GSG1L: variants seen among roughly 807,000 people sequenced by gnomAD.
GSG1L encodes germ cell-specific gene 1-like protein.
GSG1L carries 24 observed loss-of-function variants against 42.1 expected under a neutral mutation model. The observed-to-expected ratio is 0.57, with a 90% CI of 0.41 to 0.80. The LOEUF is 0.80. Ranked by LOEUF, GSG1L falls within the 30% of genes least tolerant of loss-of-function variation. The probability of loss-of-function intolerance (pLI) is 0.00; values close to 1 mark genes in which losing one functional copy is unlikely to be tolerated. For missense variants in GSG1L, 445 were observed against 472.2 expected, an observed-to-expected ratio of 0.94 and a Z score of 0.53; for synonymous variants, 215 against 203.5, an observed-to-expected ratio of 1.06 and a Z score of -0.48.
At position 27,883,654 on chromosome 16, in the gene GSG1L, T is replaced by C. The variant is rs113220215; in HGVS notation, c.550+832A>G. 5.4e-3 allele frequency among the ~76,000 whole-genome samples: 821 copies of C among 152,348 alleles called. 7 individuals are homozygous for C. Among genetic ancestry groups the C allele is most frequent in the Non-Finnish European group, 7.0e-3 (473 of 68,032 alleles). On this transcript the variant is annotated intron_variant, in intron 3 of 6. Coordinates refer to ENST00000447459, the MANE Select transcript of GSG1L (RefSeq NM_001109763.2). ...GGATTAAATTTATAGAAATTCAATT[T>C]ACACTCAGCTTTTTAGGAACAAATG...
chr16:27,961,416 T>A (rs1423708170), intron 2 of GSG1L, among the ~76,000 whole-genome samples: 1 of 152,156 alleles, frequency 6.6e-6, no homozygotes, highest in Non-Finnish European at 1.5e-5. Context: ...GGGCTGCACA[T>A]CCCAGAAGGC....
intron 2 of GSG1L, among the ~76,000 whole-genome samples, chr16:27,888,487 C>CTT (rs2084071976): frequency 7.6e-5 from 1 of 13,128 alleles, no homozygotes; most frequent in Non-Finnish European, 1.4e-4. Context: ...TCTTTCCTTT[C>CTT]TTTCTTTCTT....
At chr16:28,035,442 A>G (rs1014242556) in intron 1 of GSG1L, among the ~76,000 whole-genome samples, 4 of 152,172 alleles carry the variant, frequency 2.6e-5, no homozygotes, top group African/African-American at 4.8e-5. Context: ...TGACTTAGTG[A>G]CAATTACTAT....
intron 2 of GSG1L, among the ~76,000 whole-genome samples, chr16:27,890,553 GGTGGACTCA>G (rs2084113895): frequency 2.0e-5 from 3 of 152,214 alleles, no homozygotes; most frequent in Non-Finnish European, 4.4e-5. Flanking sequence ...ACCCCTGAGG[GGTGGACTCA>G]GTGGGCTGTG....
chr16:27,875,682 C>G (rs2083879095), intron 3 of GSG1L, among the ~76,000 whole-genome samples: 1 of 152,126 alleles, frequency 6.6e-6, no homozygotes, highest in South Asian at 2.1e-4. Flanking sequence ...ACAGACCCAA[C>G]CAAACCTGGC....
chr16:27,891,714 C>G (rs760544610), intron 2 of GSG1L, among the ~76,000 whole-genome samples: 1 of 151,926 alleles, frequency 6.6e-6, no homozygotes, highest in Non-Finnish European at 1.5e-5. Flanking sequence ...CTCAAGCGAT[C>G]CTCCTGCCTC....
intron 3 of GSG1L, among the ~76,000 whole-genome samples, chr16:27,859,015 G>A (rs1445081310): frequency 3.3e-5 from 5 of 152,168 alleles, no homozygotes; most frequent in Admixed American, 3.3e-4. Context: ...AAGAGACCAA[G>A]TGTGTTCACA....
intron 2 of GSG1L, among the ~76,000 whole-genome samples, chr16:27,924,626 A>C (rs550108013): frequency 3.9e-5 from 6 of 152,174 alleles, no homozygotes; most frequent in Non-Finnish European, 7.3e-5. Context: ...TATCTGCAGG[A>C]GTGCTTTAGG....
At chr16:27,803,800 G>GATAGATATATAGAT (rs2082917674) in intron 6 of GSG1L, among the ~76,000 whole-genome samples, 41 of 74,238 alleles carry the variant, frequency 5.5e-4, no homozygotes, top group African/African-American at 2.1e-3. Context: ...TATATAGATA[G>GATAGATATATAGAT]ATAGATATAG....
chr16:27,966,056 G>C (rs1433015485), intron 1 of GSG1L, among the ~76,000 whole-genome samples: 1 of 152,194 alleles, frequency 6.6e-6, no homozygotes, highest in Non-Finnish European at 1.5e-5. Context: ...GCATTCTCCT[G>C]CCTCAGGGCC....
chr16:27,828,293 C>T (rs926552830), intron 5 of GSG1L, among the ~76,000 whole-genome samples: 2 of 152,218 alleles, frequency 1.3e-5, no homozygotes, highest in African/African-American at 4.8e-5. Context: ...GTCTATCCAT[C>T]TACCCACCCA....
At chr16:27,957,076 C>T (rs1188476042) in intron 2 of GSG1L, among the ~76,000 whole-genome samples, 5 of 152,180 alleles carry the variant, frequency 3.3e-5, no homozygotes, top group Admixed American at 6.5e-5. Context: ...CAACTGGGTG[C>T]GGTGGCTCAT....
intron 1 of GSG1L, among the ~76,000 whole-genome samples, chr16:28,025,973 G>A (rs1189983101): frequency 2.0e-5 from 3 of 152,196 alleles, no homozygotes; most frequent in Non-Finnish European, 4.4e-5. Flanking sequence ...CTTTGGCCTT[G>A]CCAGACAACC....
At chr16:27,915,524 C>A (rs968064048) in intron 2 of GSG1L, among the ~76,000 whole-genome samples, 1 of 152,202 alleles carries the variant, frequency 6.6e-6, no homozygotes, top group Non-Finnish European at 1.5e-5. Context: ...TTCATTCACT[C>A]ACTCAAGCCA....
chr16:27,941,370 G>C (rs901662318), intron 2 of GSG1L, among the ~76,000 whole-genome samples: 4 of 151,168 alleles, frequency 2.6e-5, no homozygotes, highest in Admixed American at 6.6e-5. Context: ...GGTTGCAAAG[G>C]CATAAGAATG....
At chr16:27,822,628 A>G (rs2083162573) in intron 5 of GSG1L, among the ~76,000 whole-genome samples, 1 of 152,088 alleles carries the variant, frequency 6.6e-6, no homozygotes, top group African/African-American at 2.4e-5. Flanking sequence ...TATGTTGCCC[A>G]GGCTAGTCTC....
In GSG1L at chr16:27,869,259, A is replaced by C. The variant is rs148894728; in HGVS notation, c.550+15227T>G. ...AGAGAACAGAAGAAGGAGGGCCTTCAAGGCTCCGGGAATTGCAGAGGGGTT... is the reference window on the plus strand; with the variant it reads ...AGAGAACAGAAGAAGGAGGGCCTTCCAGGCTCCGGGAATTGCAGAGGGGTT... On this transcript the variant is annotated intron_variant, in intron 3 of 6. Coordinates refer to ENST00000447459, the MANE Select transcript of GSG1L (RefSeq NM_001109763.2). 3.5e-3 allele frequency among the ~76,000 whole-genome samples: 525 copies of C among 151,644 alleles called. 35 individuals carry two copies. The highest frequency in any genetic ancestry group is 0.011 in the African/African-American group (455 of 40,932).
rs915309597 is a variant in GSG1L at position 28,059,702 on chromosome 16, C to T, written c.349+3374G>A. 6.6e-6 allele frequency among the ~76,000 whole-genome samples: 1 copy of T among 152,120 alleles called. No individual in the cohort carries two copies. Among genetic ancestry groups the T allele is most frequent in the Non-Finnish European group, 1.5e-5 (1 of 68,036 alleles). ...ATGCTTGCTTCTGCTCCCCACCAAA[C>T]CCCTCCCCAGCGTCTCAACCAGAAG... On this transcript the variant is annotated intron_variant, in intron 1 of 6. Coordinates refer to ENST00000447459, the MANE Select transcript of GSG1L (RefSeq NM_001109763.2). The surrounding 1 kb of genome is among the most constrained non-coding windows in gnomAD (Gnocchi z 4.4).
rs111473884 is a variant in GSG1L, at chr16:27,966,160, A to G, written c.350-2957T>C. Among the ~76,000 whole-genome samples the G allele has an allele frequency of 1.1e-3, 164 of 152,250 alleles. No homozygotes were observed. In the Middle Eastern group the frequency reaches 0.017, roughly 16 times the overall value. ...TCCCTTGTCATTTTTCTCAAATGTT[A>G]TCTTCCCAAGGAGGCCTTTCCATTT... On this transcript the variant is annotated intron_variant, in intron 1 of 6. Coordinates refer to ENST00000447459, the MANE Select transcript of GSG1L (RefSeq NM_001109763.2).
Sources: allele counts gnomAD v4.1 joint callset (sites outside exome capture counted in the v4.1 genomes callset), GRCh38; gene constraint gnomAD v4.1.1; non-coding constraint Gnocchi (gnomAD v3.1); transcripts MANE v1.5; gene names NCBI Gene and HGNC (gene_info 2026-07-23, HGNC 2026-07-21).